The following TET3 variants were observed in gnomAD, a reference collection of about 807,000 sequenced individuals.
The protein encoded by TET3 is tet methylcytosine dioxygenase 3.
A neutral mutation model predicts 141.4 loss-of-function variants in TET3; 19 were observed. That is an observed-to-expected ratio of 0.13 (90% CI 0.09 to 0.20). The LOEUF is 0.20. Among genes scored for constraint, TET3 ranks in the 10% least tolerant of loss-of-function variants. TET3 has a pLI of 1.00. For synonymous variants in TET3, 1,043 were observed against 980.9 expected, an observed-to-expected ratio of 1.06 and a Z score of -1.18; for missense variants, 1,874 against 2,356.9, an observed-to-expected ratio of 0.80 and a Z score of 4.24.
At chr2:74,124,530 T>G in the TET3 span, among the ~76,000 whole-genome samples, 1 of 152,370 alleles carries the variant, frequency 6.6e-6, no homozygotes, top group Non-Finnish European at 1.5e-5. Context: ...AGATTGTTAC[T>G]GTGTAGGTGT....
chr2:73,994,325 G>GGTCA (rs1684472153), intron 2 of TET3, among the ~76,000 whole-genome samples: 1 of 152,160 alleles, frequency 6.6e-6, no homozygotes, highest in Non-Finnish European at 1.5e-5. Flanking sequence ...ATGAAGAAGA[G>GGTCA]GTCAGTTCCC....
chr2:74,080,244 T>A (rs1202714869), intron 5 of TET3, among the ~76,000 whole-genome samples: 2 of 152,256 alleles, frequency 1.3e-5, no homozygotes, highest in Non-Finnish European at 2.9e-5. Flanking sequence ...CGGCTGTCTT[T>A]CTGCCTTGGA....
chr2:74,100,400 T>A lies in TET3; in HGVS notation c.3612T>A (p.Ser1204=). The part of the protein sequence containing the change: ...LAGITSDPGL[S]LKGGLSQQGL... Reference sequence around the variant, plus strand: ...TGCCTTCTGTTTCCCCAGGCCTGTCTCTGAAGGGTGGATTGTCCCAGCAAG... The same window carrying A: ...TGCCTTCTGTTTCCCCAGGCCTGTCACTGAAGGGTGGATTGTCCCAGCAAG... The change falls in exon 12 of 12, where the codon TCT becomes TCA. Residue 1204 remains serine (S), a synonymous_variant. Coordinates refer to ENST00000409262, the MANE Select transcript of TET3 (RefSeq NM_001287491.2). The A allele has an allele frequency of 6.4e-7, 1 of 1,560,956 alleles. No individual in the cohort carries two copies. The highest frequency in any genetic ancestry group is 8.7e-7 in the Non-Finnish European group (1 of 1,152,412).
the TET3 span, among the ~76,000 whole-genome samples, chr2:74,114,250 A>C: frequency 6.6e-6 from 1 of 152,086 alleles, no homozygotes; most frequent in Non-Finnish European, 1.5e-5. Flanking sequence ...AGTGGGAGCT[A>C]AGCTATGAGG....
intron 2 of TET3, among the ~76,000 whole-genome samples, chr2:73,987,546 A>G (rs768570923): frequency 6.6e-6 from 1 of 152,202 alleles, no homozygotes; most frequent in African/African-American, 2.4e-5. Context: ...GCGACAGCAG[A>G]GAGTTGGCAG....
At position 74,044,033 on chromosome 2, in the gene TET3, C is replaced by G. The variant is rs76393093; in HGVS notation, c.361-2245C>G. Among the ~76,000 whole-genome samples, 522 of 152,136 alleles carry G rather than the reference C, an allele frequency of 3.4e-3. 1 individual carries two copies. Among genetic ancestry groups the G allele is most frequent in the South Asian group, 0.015 (71 of 4,816 alleles). Reference sequence around the variant, plus strand: ...ATAAAAATAAAATAAATTAGCTGGGCGTGGTACATGCATCAAGTCCTAGCT... The same window carrying G: ...ATAAAAATAAAATAAATTAGCTGGGGGTGGTACATGCATCAAGTCCTAGCT... On this transcript the variant is annotated intron_variant, in intron 3 of 11. Coordinates refer to ENST00000409262, the MANE Select transcript of TET3 (RefSeq NM_001287491.2).
Position 74,101,406 on chromosome 2 carries a change from G to A in TET3, c.4618G>A (p.Gly1540Arg), listed in dbSNP as rs748990060. ...LTEKPWALGAGDFNSALKGSP... is the reference protein window; with the variant it reads ...LTEKPWALGARDFNSALKGSP... ...TGAGAAGCCGTGGGCGCTGGGGGCA[G>A]GGGATTTCAACTCGGCCCTGAAAGG... The change falls in exon 12 of 12, where the codon GGG becomes AGG. Residue 1540 changes from glycine to arginine, a missense_variant. Around this residue, in one of 10 missense-constraint regions of TET3, gnomAD observed 602 missense variants for 590.2 expected, o/e 1.02. Coordinates refer to ENST00000409262, the MANE Select transcript of TET3 (RefSeq NM_001287491.2). This position sits in a 1 kb window ranked among gnomAD's most constrained non-coding sequence, Gnocchi z 8.5. The A allele has an allele frequency of 1.9e-6, 3 of 1,613,970 alleles. No individual in the cohort carries two copies. The South Asian group carries it at 3.3e-5, about 18-fold the overall frequency.
chr2:74,103,439 T>C lies in TET3; in HGVS notation c.*1263T>C, dbSNP rs1394211424. On this transcript the variant is annotated 3_prime_UTR_variant, in exon 12 of 12. Transcript: ENST00000409262. ...CTCACACCTGAGCCTGCTTCCTCCA[T>C]GCTGTCATTGGGTTCGGGGGCCTAC... 2 of 152,278 alleles carry C rather than the reference T, an allele frequency of 1.3e-5. No individual in the cohort carries two copies. The highest frequency in any genetic ancestry group is 2.9e-5 in the Non-Finnish European group (2 of 68,068). The allele number at this position is 152,278 out of a possible 1,614,324, so 9.4% of individuals were successfully genotyped here.
At chr2:74,028,157 T>A (rs13030414) in intron 3 of TET3, among the ~76,000 whole-genome samples, 39,583 of 150,146 alleles carry the variant, frequency 0.26, 5,513 homozygotes, top group African/African-American at 0.3. Flanking sequence ...TGCCTAATTT[T>A]AAAAAAAAAA....
At chr2:74,066,645 G>A (rs1405444708) in intron 4 of TET3, among the ~76,000 whole-genome samples, 1 of 152,178 alleles carries the variant, frequency 6.6e-6, no homozygotes. Flanking sequence ...GCTGAAAGTG[G>A]CTTTGGTTTT....
chr2:74,120,994 A>C, the TET3 span: 80 of 152,334 alleles, frequency 5.3e-4, no homozygotes, highest in African/African-American at 1.9e-3. Context: ...TCTCACTTTC[A>C]TGATGCCCAG....
the TET3 span, among the ~76,000 whole-genome samples, chr2:74,114,307 G>C: frequency 2.6e-5 from 4 of 152,024 alleles, no homozygotes; most frequent in Non-Finnish European, 5.9e-5. Context: ...GACTCGGGGG[G>C]GAGGGCTGGA....
chr2:74,008,613 T>G (rs150988981), intron 3 of TET3, among the ~76,000 whole-genome samples: 160 of 152,342 alleles, frequency 1.1e-3, no homozygotes, highest in Middle Eastern at 6.8e-3. Flanking sequence ...CATCTTAATA[T>G]TTCTGACAGT....
At chr2:74,090,122 G>A in intron 8 of TET3, 75 bp downstream of exon 8, 3 of 1,574,540 alleles carry the variant, frequency 1.9e-6, no homozygotes, top group Non-Finnish European at 2.6e-6. Flanking sequence ...GCGGGAGGTA[G>A]TACTGGCACG....
Position 74,105,636 on chromosome 2 carries a change from G to C in TET3, c.*3460G>C, listed in dbSNP as rs1346307557. The stretch of plus-strand genomic sequence containing the variant: ...AGATGATACCCCACCGCCCCCTCTT[G>C]GTCCTTCCACCAGCCTCTTTTGGGA... On this transcript the variant is annotated 3_prime_UTR_variant, in exon 12 of 12. Transcript: ENST00000409262. 2.7e-6 allele frequency: 1 copy of C among 366,866 alleles called. No homozygotes were observed. Among genetic ancestry groups the C allele is most frequent in the East Asian group, 4.0e-5 (1 of 24,992 alleles). 22.7% of individuals were successfully genotyped at this position (366,866 alleles called of 1,614,324 possible).
chr2:73,986,798 C>A (rs754232929), intron 2 of TET3, 92 bp downstream of exon 2: 8 of 1,125,594 alleles, frequency 7.1e-6, no homozygotes, highest in Non-Finnish European at 9.0e-6. Flanking sequence ...CCAGTTGAGT[C>A]CATTCTCTCA....
At chr2:74,037,728 ACT>A (rs1558735087) in intron 3 of TET3, among the ~76,000 whole-genome samples, 1 of 152,098 alleles carries the variant, frequency 6.6e-6, no homozygotes, top group Non-Finnish European at 1.5e-5. Flanking sequence ...AGCCCTCCAG[ACT>A]CTGTTCCTCT....
intron 4 of TET3, among the ~76,000 whole-genome samples, chr2:74,050,918 GC>G (rs1406892872): frequency 6.6e-6 from 1 of 152,068 alleles, no homozygotes; most frequent in Admixed American, 6.5e-5. Flanking sequence ...GCCAGTGTGT[GC>G]TGAGTGCCTT....
chr2:74,011,940 G>A (rs1010475720), intron 3 of TET3, among the ~76,000 whole-genome samples: 1 of 151,846 alleles, frequency 6.6e-6, no homozygotes, highest in African/African-American at 2.4e-5. Flanking sequence ...TCACAGTCCA[G>A]TTAGTCATTT....
Sources: gnomAD v4.1 joint callset for allele counts (sites outside exome capture counted in the v4.1 genomes callset) on GRCh38, gnomAD v4.1.1 for gene constraint, gnomAD v4.1.1 regional missense constraint, Gnocchi (gnomAD v3.1) non-coding constraint, MANE v1.5 for transcripts, NCBI Gene and HGNC (gene_info 2026-07-23, HGNC 2026-07-21) for gene names.